The following FREM2 variants were observed in gnomAD, a reference collection of about 807,000 sequenced individuals.
The protein encoded by FREM2 is FRAS1-related extracellular matrix protein 2.
FREM2 carries 119 observed loss-of-function variants against 219.9 expected under a neutral mutation model. That is an observed-to-expected ratio of 0.54 (90% CI 0.47 to 0.63). FREM2 has a LOEUF of 0.63. Among genes scored for constraint, FREM2 ranks in the 30% least tolerant of loss-of-function variants. FREM2 has a pLI of 0.00. For synonymous variants in FREM2, 1,562 were observed against 1,522.8 expected, an observed-to-expected ratio of 1.03 and a Z score of -0.60; for missense variants, 4,030 against 3,993.6, an observed-to-expected ratio of 1.01 and a Z score of -0.25.
Position 38,691,994 on chromosome 13 carries a change from G to A in FREM2, c.4650G>A (p.Leu1550=), listed in dbSNP as rs1257396580. 6.2e-7 allele frequency: 1 copy of A among 1,614,254 alleles called. No individual in the cohort carries two copies. Among genetic ancestry groups the A allele is most frequent in the Non-Finnish European group, 8.5e-7 (1 of 1,180,048 alleles). ...TTGTCAGTGAAAGTGAAAACAAGCT[G>A]ATTACTCCTTTTGAGCTCACTGTCG... ...KLVVSESENK[L]ITPFELTVED... The change falls in exon 1 of 24, where the codon CTG becomes CTA. Residue 1550 remains leucine (L), a synonymous_variant. Transcript: ENST00000280481.
chr13:38,853,659 T>C (rs1343380858), intron 11 of FREM2, among the ~76,000 whole-genome samples: 3 of 152,254 alleles, frequency 2.0e-5, no homozygotes, highest in Non-Finnish European at 4.4e-5. Context: ...ATAATGGTTA[T>C]AATTTGATGA....
At chr13:38,828,259 G>C (rs945001888) in intron 6 of FREM2, among the ~76,000 whole-genome samples, 1 of 152,030 alleles carries the variant, frequency 6.6e-6, no homozygotes, top group Non-Finnish European at 1.5e-5. Context: ...GTACCTCAAA[G>C]GTTGTTAGGA....
intron 6 of FREM2, among the ~76,000 whole-genome samples, chr13:38,805,407 G>A (rs946621859): frequency 6.6e-6 from 1 of 151,872 alleles, no homozygotes; most frequent in Non-Finnish European, 1.5e-5. Context: ...CATTATAGGA[G>A]GTTAGGAGAA....
In FREM2 at chr13:38,688,538, T is replaced by G. The variant is rs1394100573; in HGVS notation, c.1194T>G (p.Pro398=). 6.2e-7 allele frequency: 1 copy of G among 1,613,798 alleles called. No individual in the cohort carries two copies. The highest frequency in any genetic ancestry group is 8.5e-7 in the Non-Finnish European group (1 of 1,179,916). ...LRLLKIAYQP[P]SEDSDQERLF... ...TCCTGAAGATTGCCTACCAGCCCCCTTCTGAAGACTCTGACCAGGAGCGCC... is the reference window on the plus strand; with the variant it reads ...TCCTGAAGATTGCCTACCAGCCCCCGTCTGAAGACTCTGACCAGGAGCGCC... The change falls in exon 1 of 24, where the codon CCT becomes CCG. Residue 398 remains proline, a synonymous_variant. Transcript: ENST00000280481.
Position 38,691,877 on chromosome 13 carries a change from C to T in FREM2, c.4533C>T (p.Val1511=), listed in dbSNP as rs747345015. 17 of 1,614,008 alleles carry T rather than the reference C, an allele frequency of 1.1e-5. No individual in the cohort carries two copies. The highest frequency in any genetic ancestry group is 8.8e-5 in the South Asian group (8 of 91,082). ...AAATGGACAGTTTTGAGTTTCAAGT[C>T]ACCGATGGACGTAACCCTGTCTTTC... ...EVKMDSFEFQ[V]TDGRNPVFRT... The change falls in exon 1 of 24, where the codon GTC becomes GTT. Residue 1511 remains valine, a synonymous_variant. Transcript: ENST00000280481.
intron 4 of FREM2, among the ~76,000 whole-genome samples, chr13:38,777,926 C>T (rs116916775): frequency 3.8e-3 from 579 of 152,240 alleles, no homozygotes; most frequent in Non-Finnish European, 6.7e-3. Context: ...AATTCCAGAG[C>T]GAAGGGCACA....
chr13:38,820,422 C>T (rs1875996481), intron 6 of FREM2, among the ~76,000 whole-genome samples: 1 of 151,992 alleles, frequency 6.6e-6, no homozygotes, highest in South Asian at 2.1e-4. Context: ...CCACTAAAAC[C>T]CTGGAAGCAG....
intron 3 of FREM2, 51 bp downstream of exon 3, chr13:38,764,501 G>T (rs1593392971): frequency 1.4e-5 from 16 of 1,132,192 alleles, no homozygotes; most frequent in African/African-American, 6.3e-5. Flanking sequence ...TCTAGCAAAG[G>T]TTTATAATTC....
chr13:38,858,835 G>A (rs1877654270), intron 13 of FREM2, among the ~76,000 whole-genome samples: 1 of 152,106 alleles, frequency 6.6e-6, no homozygotes, highest in African/African-American at 2.4e-5. Context: ...GGGCAGTCGT[G>A]TGTCAGTGGA....
At chr13:38,782,382 A>G (rs1006244522) in intron 4 of FREM2, among the ~76,000 whole-genome samples, 1 of 151,974 alleles carries the variant, frequency 6.6e-6, no homozygotes, top group Non-Finnish European at 1.5e-5. Flanking sequence ...ATGCCCTTTG[A>G]CTGTGTTAAA....
chr13:38,740,289 C>T (rs1027697006), intron 2 of FREM2, among the ~76,000 whole-genome samples: 4 of 151,954 alleles, frequency 2.6e-5, no homozygotes, highest in Admixed American at 6.6e-5. Flanking sequence ...TTTTCATGTT[C>T]GAGAGATATG....
intron 5 of FREM2, 61 bp downstream of exon 5, chr13:38,783,256 C>T: frequency 6.4e-7 from 1 of 1,555,208 alleles, no homozygotes; most frequent in Non-Finnish European, 8.9e-7. Flanking sequence ...GCCTTTTTAA[C>T]ATATTGGAGC....
intron 2 of FREM2, among the ~76,000 whole-genome samples, chr13:38,757,699 A>G (rs1407036401): frequency 2.0e-5 from 3 of 151,714 alleles, no homozygotes; most frequent in African/African-American, 4.8e-5. Context: ...GGTTCAAGCA[A>G]TTCTCCTGTC....
rs1263313320 is a variant in FREM2 at position 38,691,265 on chromosome 13, T to G, written c.3921T>G (p.Thr1307=). ...IPVDDETPRM[T]INNGLEIEIG... Reference sequence around the variant, plus strand: ...TTGATGATGAGACGCCCAGAATGACTATCAATAATGGACTAGAAATAGAAA... The same window carrying G: ...TTGATGATGAGACGCCCAGAATGACGATCAATAATGGACTAGAAATAGAAA... The change falls in exon 1 of 24, where the codon ACT becomes ACG. Residue 1307 remains threonine (T), a synonymous_variant. Coordinates refer to ENST00000280481, the MANE Select transcript of FREM2 (RefSeq NM_207361.6). 6.2e-7 allele frequency: 1 copy of G among 1,613,678 alleles called. No homozygotes were observed. Among genetic ancestry groups the G allele is most frequent in the African/African-American group, 1.3e-5 (1 of 74,904 alleles).
At chr13:38,798,872 G>A (rs1187964168) in intron 6 of FREM2, among the ~76,000 whole-genome samples, 3 of 151,996 alleles carry the variant, frequency 2.0e-5, no homozygotes, top group South Asian at 2.1e-4. Flanking sequence ...TTGTTGGTTA[G>A]TATATCTAGA....
intron 2 of FREM2, among the ~76,000 whole-genome samples, chr13:38,728,252 T>TGACAG (rs1014838756): frequency 6.6e-6 from 1 of 152,126 alleles, no homozygotes; most frequent in Non-Finnish European, 1.5e-5. Flanking sequence ...ATGTTGTCGT[T>TGACAG]GACAGGACTG....
At chr13:38,847,254 A>T (rs1422452098) in intron 7 of FREM2, among the ~76,000 whole-genome samples, 1 of 152,152 alleles carries the variant, frequency 6.6e-6, no homozygotes, top group Admixed American at 6.5e-5. Context: ...ATCTCCAAAA[A>T]GTTGATTATA....
intron 17 of FREM2, 25 bp from the exon 18 acceptor site, chr13:38,874,457 A>T (rs1878273285): frequency 1.3e-6 from 2 of 1,581,668 alleles, no homozygotes; most frequent in Non-Finnish European, 8.7e-7. Context: ...ATATATTTTC[A>T]TTCTTGGTAC....
chr13:38,841,515 T>C (rs1374742146), intron 6 of FREM2, among the ~76,000 whole-genome samples: 2 of 152,110 alleles, frequency 1.3e-5, no homozygotes, highest in African/African-American at 4.8e-5. Flanking sequence ...ATAATTCTAG[T>C]ATACTTCCTA....
Sources: allele counts gnomAD v4.1 joint callset (sites outside exome capture counted in the v4.1 genomes callset), GRCh38; gene constraint gnomAD v4.1.1; transcripts MANE v1.5; gene names NCBI Gene and HGNC (gene_info 2026-07-23, HGNC 2026-07-21).